SPMAP2: variants seen among roughly 807,000 people sequenced by gnomAD.
SPMAP2 encodes sperm microtubule associated protein 2.
At chr19:372,525 G>A in the SPMAP2 span, 1 of 1,169,574 alleles carries the variant, frequency 8.6e-7, no homozygotes, top group Non-Finnish European at 1.3e-6. Flanking sequence ...CAGCTGTCTA[G>A]GGCTAGGACC....
the SPMAP2 span, among the ~76,000 whole-genome samples, chr19:369,310 C>CTG: frequency 6.6e-6 from 1 of 152,196 alleles, no homozygotes; most frequent in African/African-American, 2.4e-5. Flanking sequence ...CCACCGAGTG[C>CTG]TGACCACAAT....
At chr19:371,185 G>A in the SPMAP2 span, 150 of 1,380,828 alleles carry the variant, frequency 1.1e-4, no homozygotes, top group Non-Finnish European at 1.3e-4. Flanking sequence ...GGTGAGTCGC[G>A]GGGGGCACGG....
At chr19:373,680 C>T in the SPMAP2 span, 271 of 712,626 alleles carry the variant, frequency 3.8e-4, no homozygotes, top group Non-Finnish European at 5.3e-4. Context: ...GTGGGGGGGC[C>T]GGCGGGACGC....
chr19:371,197 G>A, the SPMAP2 span: 3 of 1,430,068 alleles, frequency 2.1e-6, no homozygotes, highest in Non-Finnish European at 2.8e-6. Flanking sequence ...GGGGCACGGG[G>A]CACCCACCTC....
the SPMAP2 span, chr19:362,277 G>A: frequency 9.4e-5 from 151 of 1,598,882 alleles, no homozygotes; most frequent in Non-Finnish European, 1.2e-4. Context: ...GCGAGGGGAC[G>A]CCTGTCGTAT....
At chr19:366,956 T>C in the SPMAP2 span, 1 of 1,256,736 alleles carries the variant, frequency 8.0e-7, no homozygotes, top group South Asian at 1.4e-5. Flanking sequence ...TTTCTGCTTC[T>C]CTTTCATGGG....
At chr19:372,427 C>T in the SPMAP2 span, among the ~76,000 whole-genome samples, 1 of 152,212 alleles carries the variant, frequency 6.6e-6, no homozygotes, top group Non-Finnish European at 1.5e-5. Flanking sequence ...TGCAGTTGCA[C>T]GGGGCCAAGC....
At chr19:362,341 G>A in the SPMAP2 span, 2 of 1,610,688 alleles carry the variant, frequency 1.2e-6, no homozygotes, top group Non-Finnish European at 1.7e-6. Context: ...TGATCCGGGG[G>A]CTGGCCACCA....
chr19:375,991 C>T, the SPMAP2 span: 2 of 1,385,302 alleles, frequency 1.4e-6, no homozygotes, highest in East Asian at 2.7e-5. Context: ...CTTCCCAGCC[C>T]CCGCGGCCTC....
the SPMAP2 span, chr19:375,887 G>T: frequency 6.4e-7 from 1 of 1,555,630 alleles, no homozygotes; most frequent in Non-Finnish European, 8.7e-7. Context: ...GGCCACGGGG[G>T]TCGCCGTCCT....
At chr19:372,838 TG>T in the SPMAP2 span, 2 of 773,444 alleles carry the variant, frequency 2.6e-6, no homozygotes, top group Admixed American at 2.1e-5. Flanking sequence ...CAGAGACAAC[TG>T]GGGGCCAGAC....
chr19:371,561 T>C, the SPMAP2 span, among the ~76,000 whole-genome samples: 2 of 152,206 alleles, frequency 1.3e-5, no homozygotes, highest in Middle Eastern at 3.2e-3. Context: ...AGTTCTCAAG[T>C]ACAGAGCTAC....
At chr19:371,676 A>G in the SPMAP2 span, among the ~76,000 whole-genome samples, 2 of 151,802 alleles carry the variant, frequency 1.3e-5, no homozygotes, top group East Asian at 3.9e-4. Flanking sequence ...TTCTCTACAC[A>G]CCCCCATCAT....
the SPMAP2 span, among the ~76,000 whole-genome samples, chr19:365,522 A>G: frequency 1.4e-5 from 1 of 71,628 alleles, no homozygotes; most frequent in African/African-American, 4.4e-5. Context: ...TACCCCCACC[A>G]CACAGCAAGT....
chr19:373,328 A>AGGGGACAGACTCCAGTGGG, the SPMAP2 span: 3 of 767,480 alleles, frequency 3.9e-6, no homozygotes, highest in South Asian at 5.2e-5. Context: ...CTAGCTCCTC[A>AGGGGACAGACTCCAGTGGG]GGGGACAGAC....
At chr19:373,447 C>T in the SPMAP2 span, 2 of 1,612,528 alleles carry the variant, frequency 1.2e-6, no homozygotes, top group Admixed American at 1.7e-5. Context: ...GCAGGGGTCT[C>T]AGCAGGCACG....
chr19:364,285 T>C, the SPMAP2 span, among the ~76,000 whole-genome samples: 30,049 of 136,898 alleles, frequency 0.22, 5,592 homozygotes, highest in African/African-American at 0.52. Context: ...TGCAGTGAGC[T>C]GAGATCGCGC....
the SPMAP2 span, among the ~76,000 whole-genome samples, chr19:369,379 C>A: frequency 2.6e-5 from 4 of 151,036 alleles, no homozygotes; most frequent in Non-Finnish European, 5.9e-5. Context: ...CAGGATGAGG[C>A]AGGCCTGAGC....
chr19:366,907 A>C, the SPMAP2 span, among the ~76,000 whole-genome samples: 1 of 152,126 alleles, frequency 6.6e-6, no homozygotes, highest in Non-Finnish European at 1.5e-5. Flanking sequence ...AAACCCTCTC[A>C]GACAACACCC....
Sources: gnomAD v4.1 joint callset for allele counts (sites outside exome capture counted in the v4.1 genomes callset) on GRCh38, gnomAD v4.1.1 for gene constraint, MANE v1.5 for transcripts, NCBI Gene and HGNC (gene_info 2026-07-23, HGNC 2026-07-21) for gene names.